Variants in SERAC1 observed in about 807,000 individuals in gnomAD.
SERAC1 encodes the protein protein SERAC1.
SERAC1 carries 36 observed loss-of-function variants against 85.7 expected under a neutral mutation model. That is an observed-to-expected ratio of 0.42 (90% CI 0.32 to 0.55). The LOEUF is 0.55. SERAC1 is among the 20% of genes least tolerant of loss of function. The pLI is 0.11. For synonymous variants in SERAC1, 242 were observed against 265.3 expected (o/e 0.91, Z 0.85); for missense variants, 629 against 796.2 (o/e 0.79, Z 2.53).
At chr6:158,147,260 T>A (rs1785086819) in intron 5 of SERAC1, among the ~76,000 whole-genome samples, 1 of 151,656 alleles carries the variant, frequency 6.6e-6, no homozygotes, top group African/African-American at 2.4e-5. Flanking sequence ...CACCTCAGCC[T>A]CCTGAGTAGC....
chr6:158,121,687 T>C (rs1784425460), intron 10 of SERAC1, among the ~76,000 whole-genome samples: 1 of 152,118 alleles, frequency 6.6e-6, no homozygotes, highest in Admixed American at 6.5e-5. Flanking sequence ...AGAAGATTCC[T>C]CTTCAAAATC....
Position 158,128,162 on chromosome 6 carries a change from C to A in SERAC1, c.961G>T (p.Val321Phe). Residue 321 changes from valine (V) to phenylalanine (F), a missense_variant, in exon 10 of 17, where the codon GTC becomes TTC. By Grantham distance (50) the Val-to-Phe change is conservative. Transcript: ENST00000647468. ...CPKVQRNIMR[V>F]IGNMALNEHL... ...TCATTCAAAGCCATATTTCCAATGA[C>A]ACGCATTATATTTCTCTGTACTTTA... 2 of 1,614,112 alleles carry A rather than the reference C, an allele frequency of 1.2e-6. No homozygotes were observed. Among genetic ancestry groups the A allele is most frequent in the Non-Finnish European group, 1.7e-6 (2 of 1,179,988 alleles).
intron 7 of SERAC1, among the ~76,000 whole-genome samples, 157 bp from the exon 8 acceptor site, chr6:158,143,341 CTCTCTCTATATATATATA>C (rs1306545217): frequency 0.055 from 1,433 of 26,078 alleles, 9 homozygotes; most frequent in Non-Finnish European, 0.069. Context: ...CTCTCTCTCT[CTCTCTCTATATATATATA>C]TATATATATA....
At chr6:158,149,259 T>C (rs1219131890) in intron 4 of SERAC1, among the ~76,000 whole-genome samples, 1 of 152,258 alleles carries the variant, frequency 6.6e-6, no homozygotes, top group Non-Finnish European at 1.5e-5. Context: ...CCCAAAGTGC[T>C]GGGATTACAG....
chr6:158,158,350 G>A lies in SERAC1; in HGVS notation c.14C>T (p.Ala5Val). MSLA[A>V]YCVICCRRIG... ...TCTTCTGCAACAGATGACGCAATAA[G>A]CAGCCAGGGACATTCTGTGTAAGTA... The change falls in exon 2 of 17, where the codon GCT becomes GTT. Residue 5 changes from alanine to valine, a missense_variant. Ala to Val is a moderately conservative substitution (Grantham distance 64). Coordinates refer to ENST00000647468, the MANE Select transcript of SERAC1 (RefSeq NM_032861.4). 2 of 1,613,292 alleles carry A rather than the reference G, an allele frequency of 1.2e-6. No homozygotes were observed. The highest frequency in any genetic ancestry group is 1.7e-6 in the Non-Finnish European group (2 of 1,179,298).
At chr6:158,136,249 A>T (rs1784790708) in intron 8 of SERAC1, among the ~76,000 whole-genome samples, 1 of 152,214 alleles carries the variant, frequency 6.6e-6, no homozygotes, top group African/African-American at 2.4e-5. Flanking sequence ...GAATGCATCC[A>T]TACATATATT....
Position 158,150,620 on chromosome 6 carries a change from A to G in SERAC1, c.129-31T>C, listed in dbSNP as rs147689600. On this transcript the variant is annotated intron_variant, in intron 3 of 16. Transcript: ENST00000647468. ...AGAGAAAAGAAAAAATGCATCATAA[A>G]TAGACAATCAAAATGTAACACAAGA... The G allele has an allele frequency of 5.6e-4, 828 of 1,472,492 alleles. 3 individuals carry two copies. The African/African-American group carries it at 0.01, about 18-fold the overall frequency. 91.2% of individuals were successfully genotyped at this position (1,472,492 alleles called of 1,614,324 possible). A position where few individuals can be genotyped will look rare whatever the true frequency, so the allele number is the denominator to read the frequency against.
Position 158,116,405 on chromosome 6 carries a change from G to A in SERAC1, c.1404-123C>T, listed in dbSNP as rs1185633586. The A allele has an allele frequency of 1.7e-5, 12 of 690,376 alleles. No homozygotes were observed. In the African/African-American group the frequency reaches 2.0e-4, roughly 11 times the overall value. 42.8% of individuals were successfully genotyped at this position (690,376 alleles called of 1,614,324 possible). ...ATGCTACATACTACATTTAGAGTAA[G>A]AAATACCCCCATTCTCTCTGCTTAA... On this transcript the variant is annotated intron_variant, in intron 13 of 16. Transcript: ENST00000647468.
intron 14 of SERAC1, among the ~76,000 whole-genome samples, chr6:158,115,514 C>T (rs760293213): frequency 2.0e-5 from 3 of 152,204 alleles, no homozygotes; most frequent in Non-Finnish European, 2.9e-5. Context: ...TTTGAGGACA[C>T]GAAGGGCTAC....
At chr6:158,124,266 C>A (rs1463788020) in intron 10 of SERAC1, among the ~76,000 whole-genome samples, 1 of 151,832 alleles carries the variant, frequency 6.6e-6, no homozygotes, top group Admixed American at 6.6e-5. Flanking sequence ...CAAAGTAAAG[C>A]ACAGAGGAAA....
chr6:158,137,272 T>TA (rs796991276), intron 8 of SERAC1, among the ~76,000 whole-genome samples: 5 of 151,272 alleles, frequency 3.3e-5, no homozygotes, highest in Admixed American at 6.6e-5. Context: ...ACCTCTTGTT[T>TA]AAAAAAAAAG....
chr6:158,146,558 G>A (rs1425084391), intron 6 of SERAC1: 21 of 360,184 alleles, frequency 5.8e-5, no homozygotes, highest in African/African-American at 3.0e-4. Context: ...ACAGACGCCC[G>A]CCACCATGCC....
chr6:158,133,354 TA>T (rs1460425806), intron 8 of SERAC1, among the ~76,000 whole-genome samples: 1 of 145,594 alleles, frequency 6.9e-6, no homozygotes, highest in African/African-American at 2.5e-5. Flanking sequence ...AACAGTAATA[TA>T]AAAGAGCTAA....
chr6:158,163,414 A>G (rs1785528336), intron 1 of SERAC1, among the ~76,000 whole-genome samples: 1 of 152,234 alleles, frequency 6.6e-6, no homozygotes, highest in African/African-American at 2.4e-5. Flanking sequence ...AGTATACCAT[A>G]GGGCCAAGTG....
chr6:158,136,511 G>T (rs1784796774), intron 8 of SERAC1, among the ~76,000 whole-genome samples: 1 of 152,126 alleles, frequency 6.6e-6, no homozygotes, highest in African/African-American at 2.4e-5. Flanking sequence ...TAGAGATGGG[G>T]TTTCACTATG....
Position 158,138,582 on chromosome 6 carries a change from C to T in SERAC1, c.738+4474G>A, listed in dbSNP as rs144857107. 1.2e-3 allele frequency among the ~76,000 whole-genome samples: 188 copies of T among 152,120 alleles called. 2 individuals carry two copies. The highest frequency in any genetic ancestry group is 4.0e-3 in the African/African-American group (167 of 41,478). On this transcript the variant is annotated intron_variant, in intron 8 of 16. Transcript: ENST00000647468. ...ACGTCAGGCCAGGTCTCAGGAGCTC[C>T]GACATGGGGGTGCAGGAGATAATTT...
In SERAC1 at chr6:158,137,198, G is replaced by C. The variant is rs112587380; in HGVS notation, c.738+5858C>G. Among the ~76,000 whole-genome samples the C allele has an allele frequency of 4.6e-5, 7 of 150,644 alleles. 1 individual carries two copies. Among genetic ancestry groups the C allele is most frequent in the African/African-American group, 1.7e-4 (7 of 41,154 alleles). On this transcript the variant is annotated intron_variant, in intron 8 of 16. Transcript: ENST00000647468. ...AAAAAGCAGTGCTTACTCGCCTAAA[G>C]AGATGAGACATTAGAATTACAATTA... is the stretch of plus-strand genomic sequence containing the variant.
chr6:158,116,485 A>G (rs536906635), intron 13 of SERAC1: 1 of 520,160 alleles, frequency 1.9e-6, no homozygotes, highest in Non-Finnish European at 3.5e-6. Flanking sequence ...GAATCCTCCC[A>G]CCTCGGCCTC....
intron 10 of SERAC1, among the ~76,000 whole-genome samples, chr6:158,125,644 A>G (rs827671): frequency 0.53 from 80,697 of 152,010 alleles, 21,765 homozygotes; most frequent in African/African-American, 0.61. Context: ...TAGGAAGATC[A>G]CTTGAGCCTA....
Sources: allele counts gnomAD v4.1 joint callset (sites outside exome capture counted in the v4.1 genomes callset), GRCh38; gene constraint gnomAD v4.1.1; transcripts MANE v1.5; gene names NCBI Gene and HGNC (gene_info 2026-07-23, HGNC 2026-07-21).